CDH4: variants seen among roughly 807,000 people sequenced by gnomAD.
The protein encoded by CDH4 is cadherin-4.
CDH4 carries 33 observed loss-of-function variants against 86.0 expected under a neutral mutation model. That is an observed-to-expected ratio of 0.38 (90% confidence interval 0.29 to 0.51). The LOEUF (loss-of-function observed/expected upper bound fraction) is 0.51. Ranked by LOEUF, CDH4 falls within the 20% of genes least tolerant of loss-of-function variation. The pLI, the probability that CDH4 is intolerant of heterozygous loss-of-function variation, is 0.86. For synonymous variants in CDH4, 555 were observed against 549.4 expected (o/e 1.01, Z -0.14); for missense variants, 1,114 against 1,307.4 (o/e 0.85, Z 2.28).
intron 2 of CDH4, among the ~76,000 whole-genome samples, chr20:61,633,903 G>C (rs370900844): frequency 6.6e-6 from 1 of 152,150 alleles, no homozygotes; most frequent in Non-Finnish European, 1.5e-5. Context: ...TCAGAAACAC[G>C]AGGGCTTTCT....
At chr20:61,804,557 T>C (rs1303148070) in intron 4 of CDH4, among the ~76,000 whole-genome samples, 1 of 152,218 alleles carries the variant, frequency 6.6e-6, no homozygotes, top group Non-Finnish European at 1.5e-5. Context: ...CTCCAGGTCC[T>C]GCCCTCTCCT....
Position 61,522,102 on chromosome 20 carries a change from C to T in CDH4, c.170-221461C>T, listed in dbSNP as rs986142559. ...ATTCGCAGGCCTTCTCCTGAATTCC[C>T]ACCTGGCCTCCCTCGTGACAGTGGC... is the stretch of plus-strand genomic sequence containing the variant. On this transcript the variant is annotated intron_variant, in intron 2 of 15. Transcript: ENST00000614565. Among the ~76,000 whole-genome samples the T allele has an allele frequency of 4.6e-5, 7 of 152,366 alleles. No individual in the cohort carries two copies. In the South Asian group the frequency reaches 1.2e-3, roughly 27 times the overall value.
chr20:61,284,150 A>C (rs1388887120), intron 2 of CDH4, among the ~76,000 whole-genome samples: 1 of 28,692 alleles, frequency 3.5e-5, no homozygotes. Context: ...CTAAAAATAC[A>C]AAAAAAAAAA....
At position 61,377,854 on chromosome 20, in the gene CDH4, A is replaced by G. The variant is rs1359039737; in HGVS notation, c.169+122917A>G. 1.3e-5 allele frequency among the ~76,000 whole-genome samples: 2 copies of G among 152,222 alleles called. No individual in the cohort carries two copies. Among genetic ancestry groups the G allele is most frequent in the African/African-American group, 4.8e-5 (2 of 41,456 alleles). Reference sequence around the variant, plus strand: ...GTCCTCTGTAGCAGAAGGGAGATCAATGCAGCCCTGCCAATTAGCGGGGAA... The same window carrying G: ...GTCCTCTGTAGCAGAAGGGAGATCAGTGCAGCCCTGCCAATTAGCGGGGAA... On this transcript the variant is annotated intron_variant, in intron 2 of 15. Coordinates refer to ENST00000614565, the MANE Select transcript of CDH4 (RefSeq NM_001794.5). This position sits in a 1 kb window ranked among gnomAD's most constrained non-coding sequence, Gnocchi z 4.0.
At chr20:61,261,676 G>A (rs1221001907) in intron 2 of CDH4, among the ~76,000 whole-genome samples, 2 of 152,188 alleles carry the variant, frequency 1.3e-5, no homozygotes, top group African/African-American at 2.4e-5. Flanking sequence ...TGTTAAAGAA[G>A]ATGGTTTTAG....
rs1298194778 is a variant in CDH4 at position 61,879,528 on chromosome 20, A to T, written c.1050+5628A>T. On this transcript the variant is annotated intron_variant, in intron 7 of 15. Transcript: ENST00000614565. The surrounding 1 kb of genome is among the most constrained non-coding windows in gnomAD (Gnocchi z 4.1). ...CACAAACATCATTGCCGCCGTGTCT[A>T]ATTAGGCAGAGCTATGTAAATTGAG... Among the ~76,000 whole-genome samples, 4 of 152,210 alleles carry T rather than the reference A, an allele frequency of 2.6e-5. No individual in the cohort carries two copies. Among genetic ancestry groups the T allele is most frequent in the African/African-American group, 9.6e-5 (4 of 41,454 alleles).
intron 7 of CDH4, among the ~76,000 whole-genome samples, chr20:61,876,874 A>G (rs1984048982): frequency 6.6e-6 from 1 of 152,170 alleles, no homozygotes. Context: ...TGTAGTTTAT[A>G]TTGTAGGAAA....
intron 2 of CDH4, among the ~76,000 whole-genome samples, chr20:61,530,727 C>A (rs1184954951): frequency 1.3e-5 from 2 of 152,096 alleles, no homozygotes; most frequent in Non-Finnish European, 2.9e-5. Context: ...ACCGTGGATG[C>A]TGGATCCAGG....
intron 9 of CDH4, among the ~76,000 whole-genome samples, chr20:61,915,617 TCA>T (rs1328666246): frequency 7.9e-5 from 12 of 152,226 alleles, no homozygotes; most frequent in African/African-American, 2.2e-4. Flanking sequence ...CTCCAGTGCA[TCA>T]CACTAAGTGA....
intron 2 of CDH4, among the ~76,000 whole-genome samples, chr20:61,331,904 A>G (rs1358246299): frequency 6.6e-6 from 1 of 152,082 alleles, no homozygotes; most frequent in Admixed American, 6.5e-5. Flanking sequence ...GCGTGTAAAA[A>G]GCGTGTGTTG....
In CDH4 at chr20:61,498,330, A is replaced by C. The variant is rs1027927850; in HGVS notation, c.169+243393A>C. Among the ~76,000 whole-genome samples, 4 of 152,232 alleles carry C rather than the reference A, an allele frequency of 2.6e-5. No homozygotes were observed. In the South Asian group the frequency reaches 8.3e-4, roughly 32 times the overall value. On this transcript the variant is annotated intron_variant, in intron 2 of 15. Coordinates refer to ENST00000614565, the MANE Select transcript of CDH4 (RefSeq NM_001794.5). ...TCCAGTTAATTGAAAAAGGAGTTTC[A>C]GAATGTTCTAGCTCAGATGACCACA...
intron 2 of CDH4, among the ~76,000 whole-genome samples, chr20:61,322,707 C>A (rs2084515316): frequency 6.6e-6 from 1 of 152,180 alleles, no homozygotes; most frequent in African/African-American, 2.4e-5. Flanking sequence ...TGAGACGCAG[C>A]CACCGAGGGG....
At chr20:61,410,897 C>T (rs2085115430) in intron 2 of CDH4, among the ~76,000 whole-genome samples, 1 of 151,828 alleles carries the variant, frequency 6.6e-6, no homozygotes, top group Non-Finnish European at 1.5e-5. Flanking sequence ...ACTGATCTCT[C>T]CATCTATTCA....
At chr20:61,589,900 T>C (rs993767581) in intron 2 of CDH4, among the ~76,000 whole-genome samples, 9 of 151,312 alleles carry the variant, frequency 5.9e-5, no homozygotes, top group African/African-American at 2.2e-4. Context: ...AGAGAACAGA[T>C]AATCAACAGG....
intron 2 of CDH4, among the ~76,000 whole-genome samples, chr20:61,498,628 G>T (rs529244396): frequency 6.6e-6 from 1 of 152,228 alleles, no homozygotes; most frequent in East Asian, 1.9e-4. Flanking sequence ...AAAAACACAC[G>T]TAGTTTAACC....
In CDH4 at chr20:61,407,851, G is replaced by A. The variant is rs150600042; in HGVS notation, c.169+152914G>A. 2.0e-5 allele frequency among the ~76,000 whole-genome samples: 3 copies of A among 152,260 alleles called. No homozygotes were observed. In the East Asian group the frequency reaches 5.8e-4, roughly 29 times the overall value. ...CATTACATGGAGCGAAGGAAGCCAG[G>A]CACAAGGGGAGACACACTGTGTGAT... On this transcript the variant is annotated intron_variant, in intron 2 of 15. Transcript: ENST00000614565.
rs943266974 is a variant in CDH4 at position 61,879,599 on chromosome 20, G to A, written c.1050+5699G>A. ...GTCAGGAGAGGCTTCGATAAGACCTGAGCGGTTCAAGTGTCTCTCGTGTAC... is the reference window on the plus strand; with the variant it reads ...GTCAGGAGAGGCTTCGATAAGACCTAAGCGGTTCAAGTGTCTCTCGTGTAC... On this transcript the variant is annotated intron_variant, in intron 7 of 15. Coordinates refer to ENST00000614565, the MANE Select transcript of CDH4 (RefSeq NM_001794.5). This position sits in a 1 kb window ranked among gnomAD's most constrained non-coding sequence, Gnocchi z 4.1. Among the ~76,000 whole-genome samples the A allele has an allele frequency of 1.3e-5, 2 of 152,166 alleles. No individual in the cohort carries two copies. The highest frequency in any genetic ancestry group is 6.5e-5 in the Admixed American group (1 of 15,272).
At chr20:61,406,390 T>C (rs1198705977) in intron 2 of CDH4, among the ~76,000 whole-genome samples, 28 of 87,490 alleles carry the variant, frequency 3.2e-4, no homozygotes, top group Middle Eastern at 9.6e-3. Flanking sequence ...CCCGGACCAC[T>C]GTCTGCTCTG....
intron 2 of CDH4, among the ~76,000 whole-genome samples, chr20:61,296,546 C>T (rs915935471): frequency 5.9e-5 from 9 of 151,882 alleles, no homozygotes; most frequent in African/African-American, 1.2e-4. Flanking sequence ...CCCACAGAAA[C>T]GTCCCCACAC....
Sources: gnomAD v4.1 joint callset for allele counts (sites outside exome capture counted in the v4.1 genomes callset) on GRCh38, gnomAD v4.1.1 for gene constraint, Gnocchi (gnomAD v3.1) non-coding constraint, MANE v1.5 for transcripts, NCBI Gene and HGNC (gene_info 2026-07-23, HGNC 2026-07-21) for gene names.